CRPPA: variants seen among roughly 807,000 people sequenced by gnomAD.
The protein encoded by CRPPA is D-ribitol-5-phosphate cytidylyltransferase.
In CRPPA, 43 loss-of-function variants were observed where a neutral mutation model predicts 52.0. That is an observed-to-expected ratio of 0.83 (90% CI 0.65 to 1.07). The LOEUF is 1.07. Among genes scored for constraint, CRPPA ranks in the 50% least tolerant of loss-of-function variants. The pLI, the probability that CRPPA is intolerant of heterozygous loss-of-function variation, is 0.00. For missense variants in CRPPA, 629 were observed against 551.7 expected, an observed-to-expected ratio of 1.14 and a Z score of -1.40; for synonymous variants, 250 against 203.5, an observed-to-expected ratio of 1.23 and a Z score of -1.94.
intron 5 of CRPPA, among the ~76,000 whole-genome samples, chr7:16,300,098 T>C (rs1784762783): frequency 6.6e-6 from 1 of 152,206 alleles, no homozygotes; most frequent in African/African-American, 2.4e-5. Flanking sequence ...AAGATTTTGA[T>C]TTATAGCTAT....
Position 16,207,996 on chromosome 7 carries a change from T to C in CRPPA, c.1251+8070A>G, listed in dbSNP as rs17169347. On this transcript the variant is annotated intron_variant, in intron 9 of 9. Transcript: ENST00000407010. ...ATACAACTATCCCCTGGAAATACCT[T>C]TCTACAACCTCTGAGACACAGCACC... Among the ~76,000 whole-genome samples the C allele has an allele frequency of 0.024, 3,649 of 152,244 alleles. 270 individuals are homozygous for C. The East Asian group carries it at 0.3, about 13-fold the overall frequency.
intron 4 of CRPPA, among the ~76,000 whole-genome samples, chr7:16,303,357 C>T (rs2389594): frequency 0.76 from 115,521 of 151,490 alleles, 44,252 homozygotes; most frequent in Admixed American, 0.8. Flanking sequence ...TAGTAGTTAG[C>T]TAATCTGGAG....
chr7:16,339,617 C>T (rs918837423), intron 3 of CRPPA, among the ~76,000 whole-genome samples: 1 of 152,292 alleles, frequency 6.6e-6, no homozygotes, highest in South Asian at 2.1e-4. Context: ...TCAAAGCAGT[C>T]CTGCTAAGAC....
intron 3 of CRPPA, among the ~76,000 whole-genome samples, chr7:16,336,508 A>T (rs1035073869): frequency 3.3e-5 from 5 of 151,816 alleles, no homozygotes; most frequent in Admixed American, 2.6e-4. Context: ...AAAAGAAAGT[A>T]TCAAAGCATA....
intron 3 of CRPPA, among the ~76,000 whole-genome samples, chr7:16,309,873 G>C (rs1194395251): frequency 6.6e-6 from 1 of 152,016 alleles, no homozygotes; most frequent in African/African-American, 2.4e-5. Context: ...ATCTCCTATT[G>C]GGTGCCCATA....
chr7:16,247,622 C>A (rs1385779018), intron 8 of CRPPA, among the ~76,000 whole-genome samples: 3 of 152,004 alleles, frequency 2.0e-5, no homozygotes, highest in Admixed American at 6.6e-5. Flanking sequence ...GTGATAGAGA[C>A]AGGAAGTGAG....
intron 2 of CRPPA, among the ~76,000 whole-genome samples, chr7:16,398,023 T>C (rs1190491230): frequency 6.6e-6 from 1 of 152,212 alleles, no homozygotes; most frequent in East Asian, 1.9e-4. Flanking sequence ...TGACACATGA[T>C]CAACACGTAA....
chr7:16,116,318 A>G (rs1244345554), intron 9 of CRPPA, among the ~76,000 whole-genome samples: 1 of 152,174 alleles, frequency 6.6e-6, no homozygotes, highest in African/African-American at 2.4e-5. Flanking sequence ...AATGAGGGAC[A>G]TTATACAAAA....
chr7:16,195,142 G>T (rs541375095), intron 9 of CRPPA, among the ~76,000 whole-genome samples: 1 of 152,140 alleles, frequency 6.6e-6, no homozygotes, highest in Middle Eastern at 3.4e-3. Context: ...ATGCCTTGAA[G>T]CAAAAGTAAT....
At chr7:16,220,895 A>G (rs1487243439) in intron 8 of CRPPA, among the ~76,000 whole-genome samples, 1 of 152,220 alleles carries the variant, frequency 6.6e-6, no homozygotes. Context: ...ATTCAATGCC[A>G]TCCCCATCAA....
chr7:16,165,744 C>T (rs542312341), intron 9 of CRPPA, among the ~76,000 whole-genome samples: 1 of 152,328 alleles, frequency 6.6e-6, no homozygotes, highest in East Asian at 1.9e-4. Flanking sequence ...CCACCCACTC[C>T]CAGTTACACT....
chr7:16,398,322 C>G (rs747535487), intron 2 of CRPPA, among the ~76,000 whole-genome samples: 5 of 151,812 alleles, frequency 3.3e-5, no homozygotes, highest in Non-Finnish European at 5.9e-5. Flanking sequence ...GTGATAAACA[C>G]ATGATCAATA....
chr7:16,125,537 G>A (rs577249610), intron 9 of CRPPA, among the ~76,000 whole-genome samples: 10 of 152,112 alleles, frequency 6.6e-5, no homozygotes, highest in Non-Finnish European at 1.5e-4. Flanking sequence ...TAAATTTGAA[G>A]ATAATGTAGG....
At chr7:16,272,696 G>A (rs1032029446) in intron 6 of CRPPA, among the ~76,000 whole-genome samples, 2 of 152,200 alleles carry the variant, frequency 1.3e-5, no homozygotes, top group African/African-American at 4.8e-5. Context: ...CTAAGGGGAT[G>A]TCTTTCAGAC....
At chr7:16,167,360 A>C (rs1781090234) in intron 9 of CRPPA, among the ~76,000 whole-genome samples, 1 of 152,242 alleles carries the variant, frequency 6.6e-6, no homozygotes, top group Non-Finnish European at 1.5e-5. Flanking sequence ...TAAACTCTGC[A>C]AAGCTCAGGA....
chr7:16,116,759 A>T (rs752719299), intron 9 of CRPPA, among the ~76,000 whole-genome samples: 3 of 152,186 alleles, frequency 2.0e-5, no homozygotes, highest in Non-Finnish European at 4.4e-5. Flanking sequence ...GACCAAGAAG[A>T]CATGACAACA....
At chr7:16,130,616 T>A (rs1782663084) in intron 9 of CRPPA, among the ~76,000 whole-genome samples, 1 of 152,222 alleles carries the variant, frequency 6.6e-6, no homozygotes, top group African/African-American at 2.4e-5. Context: ...CTTCCTGGAA[T>A]GTTCTCTTTT....
intron 9 of CRPPA, among the ~76,000 whole-genome samples, chr7:16,183,235 C>T (rs900363117): frequency 2.0e-5 from 3 of 152,168 alleles, no homozygotes; most frequent in Non-Finnish European, 2.9e-5. Flanking sequence ...ATCTCTAGTC[C>T]GTAACATGCT....
At chr7:16,246,797 T>C (rs1208155476) in intron 8 of CRPPA, among the ~76,000 whole-genome samples, 3 of 152,234 alleles carry the variant, frequency 2.0e-5, no homozygotes, top group Non-Finnish European at 4.4e-5. Context: ...AGATGTGCTG[T>C]CATCCAGGTT....
Sources: allele counts gnomAD v4.1 joint callset (sites outside exome capture counted in the v4.1 genomes callset), GRCh38; gene constraint gnomAD v4.1.1; transcripts MANE v1.5; gene names NCBI Gene and HGNC (gene_info 2026-07-23, HGNC 2026-07-21).